The following ITSN1 variants were observed in gnomAD, a reference collection of about 807,000 sequenced individuals.
The protein encoded by ITSN1 is intersectin-1.
ITSN1 carries 58 observed loss-of-function variants against 239.8 expected under a neutral mutation model. That is an observed-to-expected ratio of 0.24 (90% CI 0.20 to 0.30). ITSN1 has a LOEUF of 0.30. ITSN1 is among the 10% of genes least tolerant of loss of function. The probability of loss-of-function intolerance (pLI) is 1.00; values close to 1 mark genes in which losing one functional copy is unlikely to be tolerated. For missense variants in ITSN1, 1,558 were observed against 2,103.3 expected (o/e 0.74, Z 5.07); for synonymous variants, 780 against 770.8 (o/e 1.01, Z -0.20).
intron 7 of ITSN1, among the ~76,000 whole-genome samples, chr21:33,754,441 A>G (rs1401835341): frequency 1.3e-5 from 2 of 152,224 alleles, no homozygotes; most frequent in Admixed American, 6.5e-5. Flanking sequence ...GAAATTGCAG[A>G]CAGAGCATTA....
At chr21:33,674,851 T>G (rs2090498813) in intron 1 of ITSN1, among the ~76,000 whole-genome samples, 1 of 152,212 alleles carries the variant, frequency 6.6e-6, no homozygotes. Context: ...TCTTCTGACA[T>G]TTTTGGCAAT....
In ITSN1 at chr21:33,781,886, AT is replaced by A. The variant is rs1441157868; in HGVS notation, c.1685-102del. On this transcript the variant is annotated intron_variant, in intron 15 of 39. Transcript: ENST00000381318. ...AGGCCACCGCACCCAGCCTTTTCTT[AT>A]TTTTTAACCAGCAAGAATTTCCTTA... 6 of 1,153,432 alleles carry A rather than the reference AT, an allele frequency of 5.2e-6. No homozygotes were observed. The African/African-American group carries it at 9.4e-5, about 18-fold the overall frequency. The allele number at this position is 1,153,432 out of a possible 1,614,324, so 71.4% of individuals were successfully genotyped here.
chr21:33,697,747 T>C (rs375912493), intron 1 of ITSN1, among the ~76,000 whole-genome samples: 88 of 152,294 alleles, frequency 5.8e-4, no homozygotes, highest in African/African-American at 2.1e-3. Flanking sequence ...TTTTTTAGCT[T>C]TCAGGAACTT....
intron 5 of ITSN1, among the ~76,000 whole-genome samples, chr21:33,747,512 C>G (rs1281643549): frequency 6.9e-6 from 1 of 144,510 alleles, no homozygotes; most frequent in Non-Finnish European, 1.5e-5. Context: ...AGGGTAAATA[C>G]AAAGAGATCT....
chr21:33,711,441 A>G (rs537897235), intron 1 of ITSN1, among the ~76,000 whole-genome samples: 2 of 149,886 alleles, frequency 1.3e-5, no homozygotes, highest in South Asian at 2.1e-4. Context: ...TCTTTTTCCA[A>G]GTTTTTTTCT....
intron 4 of ITSN1, among the ~76,000 whole-genome samples, chr21:33,734,791 A>T (rs947748516): frequency 1.3e-5 from 2 of 152,220 alleles, no homozygotes; most frequent in African/African-American, 4.8e-5. Context: ...TTTGATGTCT[A>T]AAGTACAAAT....
chr21:33,716,797 C>A (rs2065169236), intron 1 of ITSN1, among the ~76,000 whole-genome samples: 2 of 151,486 alleles, frequency 1.3e-5, no homozygotes, highest in Admixed American at 6.6e-5. Context: ...ACTAAAAATA[C>A]AAAAATTAGC....
intron 1 of ITSN1, among the ~76,000 whole-genome samples, chr21:33,653,228 C>T (rs775462759): frequency 1.2e-4 from 19 of 152,178 alleles, no homozygotes; most frequent in Non-Finnish European, 2.4e-4. Flanking sequence ...CTCCTCACTT[C>T]AGATGATCTG....
intron 34 of ITSN1, among the ~76,000 whole-genome samples, chr21:33,875,740 G>A (rs1470833127): frequency 6.6e-6 from 1 of 152,186 alleles, no homozygotes; most frequent in East Asian, 1.9e-4. Context: ...GAGTGCAGTG[G>A]CACCATCTCA....
At chr21:33,861,953 AAAT>A (rs1980635604) in intron 31 of ITSN1, among the ~76,000 whole-genome samples, 1 of 145,628 alleles carries the variant, frequency 6.9e-6, no homozygotes, top group Non-Finnish European at 1.5e-5. Flanking sequence ...CTCAAAAAAT[AAAT>A]AAATAAATAA....
intron 9 of ITSN1, among the ~76,000 whole-genome samples, chr21:33,762,955 G>A (rs1212193821): frequency 1.3e-5 from 2 of 151,968 alleles, no homozygotes; most frequent in Admixed American, 6.6e-5. Context: ...TGAGCACTGC[G>A]CCTGACCGAC....
At chr21:33,805,198 A>C (rs1385893488) in intron 20 of ITSN1, among the ~76,000 whole-genome samples, 1 of 152,198 alleles carries the variant, frequency 6.6e-6, no homozygotes, top group Non-Finnish European at 1.5e-5. Context: ...ATCCTAAATC[A>C]TTTCTAGAAA....
At chr21:33,674,466 G>T (rs986755384) in intron 1 of ITSN1, among the ~76,000 whole-genome samples, 1 of 152,130 alleles carries the variant, frequency 6.6e-6, no homozygotes, top group African/African-American at 2.4e-5. Flanking sequence ...GGTGCTGTTG[G>T]TGTGGGGACC....
intron 4 of ITSN1, among the ~76,000 whole-genome samples, chr21:33,728,029 A>G (rs1312700290): frequency 2.0e-5 from 3 of 151,458 alleles, no homozygotes; most frequent in Non-Finnish European, 4.4e-5. Context: ...CAGTGGCGCA[A>G]TCTGGGCTCA....
chr21:33,841,912 G>C (rs139011409), intron 29 of ITSN1, among the ~76,000 whole-genome samples: 2 of 150,868 alleles, frequency 1.3e-5, no homozygotes, highest in Non-Finnish European at 2.9e-5. Context: ...TGAATGTTCC[G>C]CTTCAGCCAG....
Position 33,644,654 on chromosome 21 carries a change from A to ATT in ITSN1, c.-33+1955_-33+1956dup, listed in dbSNP as rs34233415. Among the ~76,000 whole-genome samples the ATT allele has an allele frequency of 4.3e-3, 592 of 138,900 alleles. 4 individuals carry two copies. Among genetic ancestry groups the ATT allele is most frequent in the African/African-American group, 0.015 (560 of 37,922 alleles). The allele number at this position is 138,900 out of a possible 152,430, so 91.1% of individuals were successfully genotyped here. A position where few individuals can be genotyped will look rare whatever the true frequency, so the allele number is the denominator to read the frequency against. On this transcript the variant is annotated intron_variant, in intron 1 of 39. Coordinates refer to ENST00000381318, the MANE Select transcript of ITSN1 (RefSeq NM_003024.3). ...CTGTGAAATGTTTGTCGCTGTTAGCATTTTTTTTTTTTTTTGGCAGTCGAC... is the reference window on the plus strand; with the variant it reads ...CTGTGAAATGTTTGTCGCTGTTAGCATTTTTTTTTTTTTTTTTGGCAGTCGAC...
chr21:33,789,159 A>T (rs1181812909), intron 16 of ITSN1, among the ~76,000 whole-genome samples: 1 of 152,182 alleles, frequency 6.6e-6, no homozygotes, highest in African/African-American at 2.4e-5. Context: ...GAAAAAGTTA[A>T]TGTATTTTAA....
chr21:33,786,449 G>C (rs1380937359), intron 16 of ITSN1, among the ~76,000 whole-genome samples: 1 of 152,156 alleles, frequency 6.6e-6, no homozygotes, highest in Non-Finnish European at 1.5e-5. Flanking sequence ...CTTACACACA[G>C]TGCTTACCTA....
Position 33,673,105 on chromosome 21 carries a change from G to A in ITSN1, c.-33+30392G>A, listed in dbSNP as rs116340793. On this transcript the variant is annotated intron_variant, in intron 1 of 39. Transcript: ENST00000381318. ...CATTAAAAAGGTGATCCTGTCATTTGTGACAACATAGATGAACCTGGAGAG... is the reference window on the plus strand; with the variant it reads ...CATTAAAAAGGTGATCCTGTCATTTATGACAACATAGATGAACCTGGAGAG... Among the ~76,000 whole-genome samples the A allele has an allele frequency of 7.4e-3, 1,131 of 152,308 alleles. 10 individuals are homozygous for A. The highest frequency in any genetic ancestry group is 0.026 in the African/African-American group (1,070 of 41,552).
Sources: allele counts gnomAD v4.1 joint callset (sites outside exome capture counted in the v4.1 genomes callset), GRCh38; gene constraint gnomAD v4.1.1; transcripts MANE v1.5; gene names NCBI Gene and HGNC (gene_info 2026-07-23, HGNC 2026-07-21).